The following ACACA variants were observed in gnomAD, a reference collection of about 807,000 sequenced individuals.
The protein encoded by ACACA is acetyl-CoA carboxylase 1.
Under a neutral mutation model 296.1 loss-of-function variants are expected in ACACA, and 103 were observed. The observed-to-expected ratio is 0.35, with a 90% CI of 0.30 to 0.41. ACACA has a LOEUF of 0.41. Among genes scored for constraint, ACACA ranks in the 10% least tolerant of loss-of-function variants. ACACA has a pLI of 1.00. For synonymous variants in ACACA, 953 were observed against 1,038.6 expected (o/e 0.92, Z 1.58); for missense variants, 1,554 against 2,989.7 (o/e 0.52, Z 11.20).
chr17:37,126,410 A>G (rs2074788735), intron 47 of ACACA, among the ~76,000 whole-genome samples: 1 of 152,222 alleles, frequency 6.6e-6, no homozygotes, highest in African/African-American at 2.4e-5. Context: ...TAAAAATACA[A>G]TGGTTAAGAT....
Position 37,335,428 on chromosome 17 carries a change from TG to T in ACACA, c.85+4375del, listed in dbSNP as rs1394275587. Among the ~76,000 whole-genome samples, 27 of 152,200 alleles carry T rather than the reference TG, an allele frequency of 1.8e-4. 1 individual carries two copies. In the East Asian group the frequency reaches 5.0e-3, roughly 28 times the overall value. Reference sequence around the variant, plus strand: ...CACAGCCAACTCCCAATGCATCAGGTGGGTAACTCCTCCCACACGAATAGTC... The same window carrying T: ...CACAGCCAACTCCCAATGCATCAGGTGGTAACTCCTCCCACACGAATAGTC... On this transcript the variant is annotated intron_variant, in intron 2 of 55. Coordinates refer to ENST00000616317, the MANE Select transcript of ACACA (RefSeq NM_198834.3).
intron 3 of ACACA, among the ~76,000 whole-genome samples, chr17:37,320,112 G>GTTTGT (rs2047280085): frequency 6.6e-6 from 1 of 152,002 alleles, no homozygotes; most frequent in Non-Finnish European, 1.5e-5. Flanking sequence ...ACAACAGAGA[G>GTTTGT]AAACCCTGTC....
intron 9 of ACACA, among the ~76,000 whole-genome samples, chr17:37,272,915 T>C (rs930585761): frequency 3.3e-5 from 5 of 152,118 alleles, no homozygotes; most frequent in African/African-American, 1.2e-4. Flanking sequence ...GGATGGTGTG[T>C]TTGCATGTGG....
chr17:37,265,809 G>A (rs1345657666), intron 10 of ACACA, among the ~76,000 whole-genome samples: 1 of 152,082 alleles, frequency 6.6e-6, no homozygotes, highest in Non-Finnish European at 1.5e-5. Flanking sequence ...TGCCCTCTGG[G>A]CTCCTGACTC....
At chr17:37,192,849 T>C (rs1047549866) in intron 36 of ACACA, among the ~76,000 whole-genome samples, 8 of 152,210 alleles carry the variant, frequency 5.3e-5, no homozygotes, top group African/African-American at 1.9e-4. Context: ...ATATATGTTT[T>C]TTAAAAGTTG....
chr17:37,316,080 G>GT (rs1412617894), intron 3 of ACACA, among the ~76,000 whole-genome samples: 1 of 152,098 alleles, frequency 6.6e-6, no homozygotes, highest in African/African-American at 2.4e-5. Flanking sequence ...GGAACTGTGT[G>GT]CCAGGAACCA....
intron 3 of ACACA, among the ~76,000 whole-genome samples, chr17:37,314,976 GAGATGGA>G (rs2047021175): frequency 4.5e-5 from 1 of 22,358 alleles, no homozygotes; most frequent in African/African-American, 1.3e-4. Flanking sequence ...TTTTTTTTTT[GAGATGGA>G]GTTTCGCTCT....
intron 52 of ACACA, among the ~76,000 whole-genome samples, chr17:37,110,726 C>G (rs545584352): frequency 6.6e-6 from 1 of 152,306 alleles, no homozygotes; most frequent in Non-Finnish European, 1.5e-5. Context: ...TCTCCATTCA[C>G]TGAGTTTCAC....
At chr17:37,121,614 G>A in intron 49 of ACACA, 124 bp from the exon 50 acceptor site, 1 of 1,217,824 alleles carries the variant, frequency 8.2e-7, no homozygotes, top group East Asian at 2.4e-5. Flanking sequence ...AAAAACTATT[G>A]TTCATCAAGA....
rs1398207733 is a variant in ACACA at position 37,097,670 on chromosome 17, A to G, written c.6720+160T>C. Among the ~76,000 whole-genome samples the G allele has an allele frequency of 2.6e-5, 4 of 152,366 alleles. No individual in the cohort carries two copies. Among genetic ancestry groups the G allele is most frequent in the Non-Finnish European group, 5.9e-5 (4 of 68,036 alleles). On this transcript the variant is annotated intron_variant, in intron 53 of 55. Coordinates refer to ENST00000616317, the MANE Select transcript of ACACA (RefSeq NM_198834.3). This position sits in a 1 kb window ranked among gnomAD's most constrained non-coding sequence, Gnocchi z 4.8. The stretch of plus-strand genomic sequence containing the variant: ...ATTGTTTTAAGATGATAACAGTTAC[A>G]GAAACAGTGAAAATCTAAAAAATAT...
chr17:37,116,342 C>T (rs143138301), intron 50 of ACACA, among the ~76,000 whole-genome samples: 113 of 152,280 alleles, frequency 7.4e-4, no homozygotes, highest in African/African-American at 2.6e-3. Flanking sequence ...GGGTACTCTG[C>T]TTTCCAACAT....
chr17:37,091,280 C>T (rs537013295), intron 54 of ACACA, among the ~76,000 whole-genome samples: 31 of 152,282 alleles, frequency 2.0e-4, no homozygotes, highest in Non-Finnish European at 3.1e-4. Flanking sequence ...ATTAGGGCAA[C>T]GCATTCCAAG....
Position 37,406,581 on chromosome 17 carries a change from G to C in ACACA, c.-282C>G. 1.7e-6 allele frequency: 1 copy of C among 577,520 alleles called. No homozygotes were observed. Among genetic ancestry groups the C allele is most frequent in the South Asian group, 2.0e-5 (1 of 50,200 alleles). The allele number at this position is 577,520 out of a possible 1,614,324, so 35.8% of individuals were successfully genotyped here. ...CCCAAACCCAGGCAGTCCCGGCTCG[G>C]CCCGCCTCACCGCACTCCGGAGGGG... is the stretch of plus-strand genomic sequence containing the variant. On this transcript the variant is annotated 5_prime_UTR_variant, in exon 1 of 56. Transcript: ENST00000616317.
intron 3 of ACACA, among the ~76,000 whole-genome samples, chr17:37,296,569 T>G (rs1290270441): frequency 6.6e-6 from 1 of 151,906 alleles, no homozygotes; most frequent in Non-Finnish European, 1.5e-5. Flanking sequence ...CCTCCCAAAG[T>G]GCTGGGATTA....
intron 1 of ACACA, chr17:37,379,106 C>G: frequency 6.3e-7 from 1 of 1,591,622 alleles, no homozygotes; most frequent in Admixed American, 1.8e-5. Flanking sequence ...AAAACCAGCT[C>G]CATTTTTCTA....
At position 37,183,797 on chromosome 17, in the gene ACACA, G is replaced by GA. The variant is rs1371307787; in HGVS notation, c.4777-2442dup. 8.2e-3 allele frequency among the ~76,000 whole-genome samples: 834 copies of GA among 102,108 alleles called. 8 individuals carry two copies. Among genetic ancestry groups the GA allele is most frequent in the African/African-American group, 0.027 (746 of 27,684 alleles). 67.0% of individuals were successfully genotyped at this position (102,108 alleles called of 152,430 possible). On this transcript the variant is annotated intron_variant, in intron 39 of 55. Coordinates refer to ENST00000616317, the MANE Select transcript of ACACA (RefSeq NM_198834.3). ...TCAGAGTGAGACTCCATCTCAAAAG[G>GA]AAAAAAAAAAAAGAAAGAAAGAAAA...
chr17:37,299,376 C>A (rs1385747837), intron 3 of ACACA: 1 of 1,613,700 alleles, frequency 6.2e-7, no homozygotes. Context: ...CAGATTTCGG[C>A]CTTGTAAACA....
chr17:37,127,749 C>G (rs2074861209), intron 47 of ACACA, among the ~76,000 whole-genome samples: 1 of 150,160 alleles, frequency 6.7e-6, no homozygotes, highest in Admixed American at 6.7e-5. Context: ...GAGGCTGAAG[C>G]AGGAGAACCA....
chr17:37,162,308 T>C (rs9906543), intron 41 of ACACA, among the ~76,000 whole-genome samples: 75,745 of 152,022 alleles, frequency 0.5, 21,236 homozygotes, highest in East Asian at 0.75. Flanking sequence ...GACAGAAAAG[T>C]CAAAATCTAA....
Sources: allele counts gnomAD v4.1 joint callset (sites outside exome capture counted in the v4.1 genomes callset), GRCh38; gene constraint gnomAD v4.1.1; non-coding constraint Gnocchi (gnomAD v3.1); transcripts MANE v1.5; gene names NCBI Gene and HGNC (gene_info 2026-07-23, HGNC 2026-07-21).